Variants in GLYR1 observed in about 807,000 individuals in gnomAD.
The protein encoded by GLYR1 is glyoxylate reductase 1 homolog.
In GLYR1, 21 loss-of-function variants were observed where a neutral mutation model predicts 72.7. The observed-to-expected ratio is 0.29, with a 90% CI of 0.20 to 0.42. The LOEUF is 0.42. Ranked by LOEUF, GLYR1 falls within the 10% of genes least tolerant of loss-of-function variation. The probability of loss-of-function intolerance (pLI) is 1.00; values close to 1 mark genes in which losing one functional copy is unlikely to be tolerated. For missense variants in GLYR1, 594 were observed against 712.1 expected, an observed-to-expected ratio of 0.83 and a Z score of 1.89; for synonymous variants, 392 against 270.2, an observed-to-expected ratio of 1.45 and a Z score of -4.42.
chr16:4,803,671 C>G lies in GLYR1; in HGVS notation c.*1565G>C, dbSNP rs1053825375. Reference sequence around the variant, plus strand: ...AGTGAAATGAACTGTGCTAAAAACCCGACAGGCATCTTCCCTGCCCTCCCC... The same window carrying G: ...AGTGAAATGAACTGTGCTAAAAACCGGACAGGCATCTTCCCTGCCCTCCCC... On this transcript the variant is annotated 3_prime_UTR_variant, in exon 16 of 16. Coordinates refer to ENST00000321919, the MANE Select transcript of GLYR1 (RefSeq NM_032569.4). 2 of 151,958 alleles carry G rather than the reference C, an allele frequency of 1.3e-5. No homozygotes were observed. Among genetic ancestry groups the G allele is most frequent in the Admixed American group, 6.6e-5 (1 of 15,202 alleles). The allele number at this position is 151,958 out of a possible 1,614,324, so 9.4% of individuals were successfully genotyped here.
chr16:4,805,434 G>C lies in GLYR1; in HGVS notation c.1588-124C>G, dbSNP rs79451838. Reference sequence around the variant, plus strand: ...TGCTGGAGCCCAGGCTGTCCGGTTAGGAATCCTGTGTTGACCTTGCATGAA... The same window carrying C: ...TGCTGGAGCCCAGGCTGTCCGGTTACGAATCCTGTGTTGACCTTGCATGAA... On this transcript the variant is annotated intron_variant, in intron 15 of 15. Transcript: ENST00000321919. The C allele has an allele frequency of 1.4e-3, 1,128 of 780,148 alleles. 7 individuals carry two copies. In the African/African-American group the frequency reaches 0.017, roughly 12 times the overall value. The allele number at this position is 780,148 out of a possible 1,614,324, so 48.3% of individuals were successfully genotyped here.
chr16:4,828,067 T>G (rs2084520555), intron 5 of GLYR1, among the ~76,000 whole-genome samples: 1 of 151,728 alleles, frequency 6.6e-6, no homozygotes, highest in Non-Finnish European at 1.5e-5. Flanking sequence ...ACTTAAGGCA[T>G]GTATATATAT....
intron 6 of GLYR1, among the ~76,000 whole-genome samples, 196 bp downstream of exon 6, chr16:4,823,625 A>C (rs1372231269): frequency 6.6e-6 from 1 of 152,150 alleles, no homozygotes; most frequent in Non-Finnish European, 1.5e-5. Context: ...AAAGGACTGA[A>C]ATCCGTCACC....
intron 7 of GLYR1, among the ~76,000 whole-genome samples, chr16:4,822,605 G>A (rs374379577): frequency 6.6e-6 from 1 of 152,130 alleles, no homozygotes; most frequent in Non-Finnish European, 1.5e-5. Flanking sequence ...TGGTCAGACT[G>A]GTCTTGAATC....
chr16:4,831,336 C>G (rs775743240), intron 5 of GLYR1, among the ~76,000 whole-genome samples: 1 of 152,236 alleles, frequency 6.6e-6, no homozygotes, highest in Non-Finnish European at 1.5e-5. Context: ...CACACTGCCA[C>G]TGGCTCAGTC....
chr16:4,821,698 T>A, intron 7 of GLYR1, 101 bp from the exon 8 acceptor site: 1 of 1,081,732 alleles, frequency 9.2e-7, no homozygotes, highest in Admixed American at 1.7e-5. Flanking sequence ...GAAGTTAACA[T>A]CAACTATTTG....
chr16:4,844,636 C>G (rs890847566), intron 3 of GLYR1, among the ~76,000 whole-genome samples: 2 of 152,174 alleles, frequency 1.3e-5, no homozygotes, highest in Non-Finnish European at 2.9e-5. Flanking sequence ...TGGTGCACAC[C>G]TGTGGTCCCA....
chr16:4,811,432 C>A, intron 14 of GLYR1, 138 bp from the exon 15 acceptor site: 5 of 1,303,412 alleles, frequency 3.8e-6, no homozygotes, highest in East Asian at 2.4e-5. Context: ...TCCTCACTCA[C>A]CCTTAGACAC....
At chr16:4,811,967 A>T (rs1252575508) in intron 13 of GLYR1, 119 bp downstream of exon 13, 21 of 1,455,570 alleles carry the variant, frequency 1.4e-5, no homozygotes, top group Non-Finnish European at 1.9e-5. Flanking sequence ...TATGCAGGTG[A>T]AAGGAAACCT....
chr16:4,833,700 C>T (rs2084940690), intron 3 of GLYR1, among the ~76,000 whole-genome samples: 1 of 151,798 alleles, frequency 6.6e-6, no homozygotes, highest in African/African-American at 2.4e-5. Flanking sequence ...AGAACATACA[C>T]CTCCGATATG....
At chr16:4,809,167 G>C (rs1476440157) in intron 15 of GLYR1, among the ~76,000 whole-genome samples, 1 of 148,804 alleles carries the variant, frequency 6.7e-6, no homozygotes, top group Non-Finnish European at 1.5e-5. Context: ...CAATAAGCCT[G>C]AGAAGGCTGT....
chr16:4,829,931 C>A (rs765806931), intron 5 of GLYR1, among the ~76,000 whole-genome samples: 14 of 152,080 alleles, frequency 9.2e-5, no homozygotes, highest in Admixed American at 2.6e-4. Flanking sequence ...CCTCGGCCTC[C>A]CAAAGTGCTG....
intron 12 of GLYR1, among the ~76,000 whole-genome samples, chr16:4,813,475 C>T (rs977288008): frequency 4.6e-5 from 7 of 152,190 alleles, no homozygotes; most frequent in East Asian, 1.9e-4. Flanking sequence ...GCCAGGCGGG[C>T]GGCCTGGGTT....
At chr16:4,806,223 C>T (rs1329705249) in intron 15 of GLYR1, among the ~76,000 whole-genome samples, 1 of 152,098 alleles carries the variant, frequency 6.6e-6, no homozygotes, top group Non-Finnish European at 1.5e-5. Context: ...TGGATAGCCC[C>T]CCCACACAGA....
intron 5 of GLYR1, among the ~76,000 whole-genome samples, chr16:4,827,614 AAAC>A (rs1371142776): frequency 5.9e-5 from 9 of 152,142 alleles, no homozygotes; most frequent in African/African-American, 2.2e-4. Context: ...CAAACAAAAA[AAAC>A]GGGCCAGGCA....
chr16:4,808,473 C>G (rs1309792127), intron 15 of GLYR1, among the ~76,000 whole-genome samples: 1 of 151,988 alleles, frequency 6.6e-6, no homozygotes, highest in Non-Finnish European at 1.5e-5. Context: ...TGGCAGGCAC[C>G]TGTAATCCCA....
In GLYR1 at chr16:4,821,579, C is replaced by T. The variant is rs765810694; in HGVS notation, c.700G>A (p.Ala234Thr). 1.2e-6 allele frequency: 2 copies of T among 1,614,018 alleles called. No homozygotes were observed. The highest frequency in any genetic ancestry group is 1.7e-6 in the Non-Finnish European group (2 of 1,179,988). The change falls in exon 8 of 16, where the codon GCA becomes ACA. Residue 234 changes from alanine to threonine, a missense_variant. Physicochemically the swap from Ala to Thr is moderately conservative, Grantham distance 58 (BLOSUM62 0). This residue lies in a region of GLYR1 where 252 missense variants were observed against 211.3 expected (regional missense o/e 1.19). Transcript: ENST00000321919. Reference sequence around the variant, plus strand: ...CATATTTTCAACTTCTTCGTGATTGCCTGGTAACAGACAGCTGGCTAATGA... The same window carrying T: ...CATATTTTCAACTTCTTCGTGATTGTCTGGTAACAGACAGCTGGCTAATGA... ...QTEKPAVCYQ[A>T]ITKKLKICEE...
At chr16:4,821,202 G>C (rs2083999717) in intron 9 of GLYR1, 178 bp downstream of exon 9, 18 of 671,720 alleles carry the variant, frequency 2.7e-5, no homozygotes. Flanking sequence ...CCCGACCACA[G>C]ATTTACACAG....
rs545020182 is a variant in GLYR1, at chr16:4,830,498, C to T, written c.537+1481G>A. 3.1e-3 allele frequency among the ~76,000 whole-genome samples: 473 copies of T among 152,298 alleles called. 3 individuals are homozygous for T. The highest frequency in any genetic ancestry group is 9.4e-3 in the African/African-American group (389 of 41,566). On this transcript the variant is annotated intron_variant, in intron 5 of 15. Coordinates refer to ENST00000321919, the MANE Select transcript of GLYR1 (RefSeq NM_032569.4). Reference sequence around the variant, plus strand: ...GCACCAAGGCAGGTCAGCTGGGGTGCCTGGCACCCGTGCCACTGCTTCTTA... The same window carrying T: ...GCACCAAGGCAGGTCAGCTGGGGTGTCTGGCACCCGTGCCACTGCTTCTTA...
Sources: gnomAD v4.1 joint callset for allele counts (sites outside exome capture counted in the v4.1 genomes callset) on GRCh38, gnomAD v4.1.1 for gene constraint, gnomAD v4.1.1 regional missense constraint, MANE v1.5 for transcripts, NCBI Gene and HGNC (gene_info 2026-07-23, HGNC 2026-07-21) for gene names.